COL15A1: variants seen among roughly 807,000 people sequenced by gnomAD.
COL15A1 encodes the protein collagen type XV alpha 1 chain.
A neutral mutation model predicts 165.9 loss-of-function variants in COL15A1; 111 were observed. The observed-to-expected ratio is 0.67, with a 90% CI of 0.57 to 0.78. COL15A1 has a LOEUF of 0.78. Ranked by LOEUF, COL15A1 falls within the 30% of genes least tolerant of loss-of-function variation. COL15A1 has a pLI of 0.00. For synonymous variants in COL15A1, 659 were observed against 674.8 expected, an observed-to-expected ratio of 0.98 and a Z score of 0.36; for missense variants, 1,745 against 1,789.7, an observed-to-expected ratio of 0.98 and a Z score of 0.45.
At chr9:98,987,560 G>T (rs1838337137) in intron 4 of COL15A1, among the ~76,000 whole-genome samples, 192 bp downstream of exon 4, 1 of 152,228 alleles carries the variant, frequency 6.6e-6, no homozygotes, top group African/African-American at 2.4e-5. Context: ...GGTGTGGGGA[G>T]CTGTGTTTCT....
In COL15A1 at chr9:99,016,016, A is replaced by C. The variant is rs1403060212; in HGVS notation, c.1544A>C (p.Glu515Ala). Residue 515 changes from glutamate to alanine, a missense_variant, in exon 11 of 42, where the codon GAG becomes GCG. Transcript: ENST00000375001. ...DEEDLAAATT[E>A]EPLITAGGEE... ...GAAGACTTGGCAGCAGCCACAACAG[A>C]GGAGCCCCTCATCACAGCTGGGGGT... 1 of 1,613,984 alleles carries C rather than the reference A, an allele frequency of 6.2e-7. No homozygotes were observed. Among genetic ancestry groups the C allele is most frequent in the African/African-American group, 1.3e-5 (1 of 74,926 alleles).
At position 99,066,499 on chromosome 9, in the gene COL15A1, C is replaced by T. The variant is rs765396448; in HGVS notation, c.3652-383C>T. ...TCCAGGGCCAAAGCCAGCTTAAAAC[C>T]CCTGCACAGACCCAGAGGTCTCAAA... On this transcript the variant is annotated intron_variant, in intron 39 of 41. Coordinates refer to ENST00000375001, the MANE Select transcript of COL15A1 (RefSeq NM_001855.5). Among the ~76,000 whole-genome samples, 55 of 152,196 alleles carry T rather than the reference C, an allele frequency of 3.6e-4. No homozygotes were observed. The Middle Eastern group carries it at 0.01, about 28-fold the overall frequency.
chr9:99,049,396 G>T (rs1839547191), intron 28 of COL15A1, among the ~76,000 whole-genome samples: 1 of 152,232 alleles, frequency 6.6e-6, no homozygotes, highest in African/African-American at 2.4e-5. Context: ...TCTCAGTTCT[G>T]CTGTAAGTTG....
At chr9:99,056,958 C>T (rs982803527) in intron 35 of COL15A1, among the ~76,000 whole-genome samples, 22 of 152,146 alleles carry the variant, frequency 1.4e-4, no homozygotes, top group African/African-American at 5.1e-4. Flanking sequence ...TGTTCATGGA[C>T]ATTTGGGTTG....
At position 99,069,634 on chromosome 9, in the gene COL15A1, T is replaced by C. The variant is rs370728389; in HGVS notation, c.3954-39T>C. 1.6e-5 allele frequency: 26 copies of C among 1,585,380 alleles called. No individual in the cohort carries two copies. In the African/African-American group the frequency reaches 3.1e-4, roughly 19 times the overall value. On this transcript the variant is annotated intron_variant, in intron 41 of 41. Coordinates refer to ENST00000375001, the MANE Select transcript of COL15A1 (RefSeq NM_001855.5). ...CTTACCAAAAAATACCACAAAGAAG[T>C]GTCATTTTGAAAAATAACATGACAA...
intron 5 of COL15A1, among the ~76,000 whole-genome samples, chr9:98,991,780 T>C (rs1161412392): frequency 6.6e-6 from 1 of 152,142 alleles, no homozygotes; most frequent in Non-Finnish European, 1.5e-5. Context: ...TGTTGATTGG[T>C]GTGTTTACAA....
At chr9:98,989,149 G>A (rs181175992) in intron 4 of COL15A1, 29 bp from the exon 5 acceptor site, 12 of 1,586,694 alleles carry the variant, frequency 7.6e-6, no homozygotes, top group African/African-American at 2.7e-5. Context: ...CGCTCTGCCC[G>A]GTGTGTGGCA....
chr9:98,989,045 C>CAA (rs1169985819), intron 4 of COL15A1, 133 bp from the exon 5 acceptor site: 1 of 690,970 alleles, frequency 1.4e-6, no homozygotes, highest in Non-Finnish European at 2.6e-6. Context: ...CACACACACA[C>CAA]ACACACACAC....
intron 2 of COL15A1, among the ~76,000 whole-genome samples, chr9:98,958,228 G>A (rs749619643): frequency 5.6e-4 from 85 of 152,246 alleles, no homozygotes; most frequent in Non-Finnish European, 1.0e-3. Context: ...GGAAATGAAG[G>A]GGTTGGAAAG....
At chr9:99,005,297 T>C (rs754145729) in intron 9 of COL15A1, among the ~76,000 whole-genome samples, 4 of 152,010 alleles carry the variant, frequency 2.6e-5, no homozygotes, top group Non-Finnish European at 5.9e-5. Context: ...CAAGGCTGCA[T>C]GCAGGACCCT....
chr9:98,991,748 A>G (rs973346508), intron 5 of COL15A1, among the ~76,000 whole-genome samples: 5 of 152,160 alleles, frequency 3.3e-5, no homozygotes, highest in African/African-American at 1.2e-4. Flanking sequence ...GTGCGTTTAC[A>G]AACCTTGAGC....
intron 39 of COL15A1, among the ~76,000 whole-genome samples, chr9:99,065,143 C>T (rs1191090832): frequency 2.6e-5 from 4 of 152,198 alleles, no homozygotes; most frequent in Middle Eastern, 3.2e-3. Context: ...CCCCCAATCT[C>T]GTCATTCAGA....
chr9:99,012,478 G>A lies in COL15A1; in HGVS notation c.1354-2939G>A, dbSNP rs1199469961. Among the ~76,000 whole-genome samples, 5 of 152,204 alleles carry A rather than the reference G, an allele frequency of 3.3e-5. No individual in the cohort carries two copies. The South Asian group carries it at 1.0e-3, about 32-fold the overall frequency. ...AAATGTAACAGCAGACTTAAAGCAG[G>A]CAGAGGCAGAGAAGAAAGCAGAGAG... On this transcript the variant is annotated intron_variant, in intron 9 of 41. Transcript: ENST00000375001.
At chr9:99,028,231 GA>G (rs34554510) in intron 16 of COL15A1, among the ~76,000 whole-genome samples, 2 of 151,866 alleles carry the variant, frequency 1.3e-5, no homozygotes, top group Non-Finnish European at 2.9e-5. Flanking sequence ...TATTTAGCTG[GA>G]AAAAAATGTT....
At chr9:99,020,514 G>A in intron 12 of COL15A1, 72 bp downstream of exon 12, 1 of 1,088,328 alleles carries the variant, frequency 9.2e-7, no homozygotes, top group Middle Eastern at 2.0e-4. Context: ...ATTTAGGTTT[G>A]ATTTAGCCCA....
chr9:99,056,112 C>T (rs1173766324), intron 34 of COL15A1, 148 bp from the exon 35 acceptor site: 2 of 856,172 alleles, frequency 2.3e-6, no homozygotes, highest in Non-Finnish European at 3.8e-6. Flanking sequence ...AGGCCTTACC[C>T]CACCTTGAAT....
At chr9:98,951,044 T>G (rs1443152736) in intron 2 of COL15A1, among the ~76,000 whole-genome samples, 1 of 152,170 alleles carries the variant, frequency 6.6e-6, no homozygotes, top group Non-Finnish European at 1.5e-5. Flanking sequence ...CACCCCACTC[T>G]TGCTCCCTGG....
At chr9:99,013,560 A>AC in intron 9 of COL15A1, among the ~76,000 whole-genome samples, 1 of 152,098 alleles carries the variant, frequency 6.6e-6, no homozygotes, top group Middle Eastern at 3.4e-3. Flanking sequence ...GAAAAAAAAA[A>AC]AAAAACAGCT....
At chr9:98,976,807 A>G (rs1025791991) in intron 2 of COL15A1, among the ~76,000 whole-genome samples, 3 of 152,192 alleles carry the variant, frequency 2.0e-5, no homozygotes, top group Non-Finnish European at 4.4e-5. Flanking sequence ...CACCTTAGTC[A>G]TATAATGCCA....
Sources: gnomAD v4.1 joint callset for allele counts (sites outside exome capture counted in the v4.1 genomes callset) on GRCh38, gnomAD v4.1.1 for gene constraint, MANE v1.5 for transcripts, NCBI Gene and HGNC (gene_info 2026-07-23, HGNC 2026-07-21) for gene names.